Variants in PTGFRN observed in about 807,000 individuals in gnomAD.
PTGFRN encodes the protein prostaglandin F2 receptor negative regulator.
Under a neutral mutation model 83.2 loss-of-function variants are expected in PTGFRN, and 35 were observed. That is an observed-to-expected ratio of 0.42 (90% CI 0.32 to 0.56). The LOEUF is 0.56. Ranked by LOEUF, PTGFRN falls within the 20% of genes least tolerant of loss-of-function variation. The pLI is 0.11. For missense variants in PTGFRN, 1,051 were observed against 1,179.5 expected, an observed-to-expected ratio of 0.89 and a Z score of 1.60; for synonymous variants, 519 against 498.6, an observed-to-expected ratio of 1.04 and a Z score of -0.55.
In PTGFRN at chr1:116,944,750, C is replaced by T. The variant is rs776777032; in HGVS notation, c.490C>T (p.Pro164Ser). The change falls in exon 3 of 9, where the codon CCC (proline) becomes TCC (serine). Residue 164 changes from proline to serine, a missense_variant. By Grantham distance (74) the Pro-to-Ser change is moderately conservative (BLOSUM62 -1). Around this residue, in one of 3 missense-constraint regions of PTGFRN, gnomAD observed 205 missense variants for 174.5 expected, o/e 1.17. Transcript: ENST00000393203. ...PPSLSLREGE[P>S]FELRCTAASA... ...GAGCCTGAGCCTGCGGGAGGGGGAG[C>T]CCTTCGAGCTGCGCTGCACCGCCGC... The T allele has an allele frequency of 2.7e-6, 4 of 1,492,232 alleles. No individual in the cohort carries two copies. The African/African-American group carries it at 5.8e-5, about 22-fold the overall frequency. 92.4% of individuals were successfully genotyped at this position (1,492,232 alleles called of 1,614,324 possible). A position where few individuals can be genotyped will look rare whatever the true frequency, so the allele number is the denominator to read the frequency against.
At chr1:116,927,553 GT>G (rs1301841883) in intron 1 of PTGFRN, among the ~76,000 whole-genome samples, 1 of 115,954 alleles carries the variant, frequency 8.6e-6, no homozygotes, top group African/African-American at 9.2e-5. Context: ...TTGATACAGG[GT>G]CTCGACCTGT....
intron 4 of PTGFRN, among the ~76,000 whole-genome samples, chr1:116,960,564 A>G (rs1352363282): frequency 6.6e-6 from 1 of 152,220 alleles, no homozygotes; most frequent in Non-Finnish European, 1.5e-5. Flanking sequence ...CAAGATTCAC[A>G]GTGACACAGG....
At chr1:116,938,393 C>G (rs1007395532) in intron 1 of PTGFRN, among the ~76,000 whole-genome samples, 1 of 152,174 alleles carries the variant, frequency 6.6e-6, no homozygotes, top group Non-Finnish European at 1.5e-5. Context: ...GCCTCACAAT[C>G]GTGGCGGAAG....
chr1:116,948,774 G>T (rs1206172850), intron 3 of PTGFRN, among the ~76,000 whole-genome samples: 1 of 152,310 alleles, frequency 6.6e-6, no homozygotes, highest in Non-Finnish European at 1.5e-5. Flanking sequence ...ACAGTGAAGA[G>T]CAGAGTTTCT....
intron 1 of PTGFRN, among the ~76,000 whole-genome samples, chr1:116,931,215 G>C (rs1003633965): frequency 6.6e-6 from 1 of 152,158 alleles, no homozygotes; most frequent in Admixed American, 6.5e-5. Context: ...TCCTTAACTG[G>C]TAGGAATGCA....
At chr1:116,959,049 C>T (rs564491564) in intron 4 of PTGFRN, among the ~76,000 whole-genome samples, 1 of 152,346 alleles carries the variant, frequency 6.6e-6, no homozygotes, top group African/African-American at 2.4e-5. Context: ...TCCTGCTCTG[C>T]ACCCACATTG....
chr1:116,916,315 A>G (rs2101050036), intron 1 of PTGFRN, among the ~76,000 whole-genome samples: 1 of 152,354 alleles, frequency 6.6e-6, no homozygotes, highest in South Asian at 2.1e-4. Context: ...GGCTTAGAAT[A>G]GCGAAGAGTG....
At chr1:116,940,889 A>C (rs1650042308) in intron 1 of PTGFRN, among the ~76,000 whole-genome samples, 1 of 152,248 alleles carries the variant, frequency 6.6e-6, no homozygotes, top group Non-Finnish European at 1.5e-5. Context: ...GTTCATTGCA[A>C]TGAAGACATC....
At position 116,910,068 on chromosome 1, in the gene PTGFRN, TCG is replaced by T; in HGVS notation, c.-133_-132del. 1 of 969,700 alleles carries T rather than the reference TCG, an allele frequency of 1.0e-6. No individual in the cohort carries two copies. Among genetic ancestry groups the T allele is most frequent in the Non-Finnish European group, 1.6e-6 (1 of 641,534 alleles). The allele number at this position is 969,700 out of a possible 1,614,324, so 60.1% of individuals were successfully genotyped here. A position where few individuals can be genotyped will look rare whatever the true frequency, so the allele number is the denominator to read the frequency against. ...CGCCCCAGCGCTGGGATTTATCGGC[TCG>T]CGAGGAGAGCGGAGCAGGCGCGCGG... is the stretch of plus-strand genomic sequence containing the variant. On this transcript the variant is annotated 5_prime_UTR_variant, in exon 1 of 9. Coordinates refer to ENST00000393203, the MANE Select transcript of PTGFRN (RefSeq NM_020440.4).
chr1:116,972,357 A>T (rs935863898), intron 6 of PTGFRN, among the ~76,000 whole-genome samples: 2 of 152,158 alleles, frequency 1.3e-5, no homozygotes, highest in African/African-American at 4.8e-5. Flanking sequence ...AGCAGTTTCT[A>T]CCCAGAGCTG....
intron 1 of PTGFRN, among the ~76,000 whole-genome samples, chr1:116,919,081 A>C (rs148751022): frequency 2.0e-4 from 31 of 152,312 alleles, no homozygotes; most frequent in African/African-American, 6.5e-4. Flanking sequence ...TTGGCAGCAG[A>C]GATCTAAGGG....
In PTGFRN at chr1:116,941,723, C is replaced by G. The variant is rs778137106; in HGVS notation, c.58C>G (p.Arg20Gly). The G allele has an allele frequency of 3.7e-6, 6 of 1,609,798 alleles. No homozygotes were observed. In the South Asian group the frequency reaches 4.4e-5, roughly 12 times the overall value. ...LLALLSLALC[R>G]GRVVRVPTAT... ...ATCTTTTATCATTGCAGCTCTTTGC[C>G]GAGGGCGTGTGGTGAGAGTCCCCAC... is the stretch of plus-strand genomic sequence containing the variant. Residue 20 changes from arginine to glycine, a missense_variant, in exon 2 of 9, where the codon CGA becomes GGA. By Grantham distance (125) the Arg-to-Gly change is moderately radical (BLOSUM62 -2). Coordinates refer to ENST00000393203, the MANE Select transcript of PTGFRN (RefSeq NM_020440.4). This position sits in a 1 kb window ranked among gnomAD's most constrained non-coding sequence, Gnocchi z 5.0.
chr1:116,957,907 C>T (rs1030974407), intron 4 of PTGFRN, among the ~76,000 whole-genome samples: 4 of 152,014 alleles, frequency 2.6e-5, no homozygotes, highest in African/African-American at 7.2e-5. Flanking sequence ...TAACACTGTC[C>T]TCCAGGTTCA....
At chr1:116,924,352 G>A (rs972625732) in intron 1 of PTGFRN, among the ~76,000 whole-genome samples, 1 of 151,920 alleles carries the variant, frequency 6.6e-6, no homozygotes, top group African/African-American at 2.4e-5. Context: ...TCAGCATCTT[G>A]GCCAGGCTGG....
rs576756226 is a variant in PTGFRN at position 116,966,933 on chromosome 1, G to A, written c.1662G>A (p.Ala554=). Residue 554 remains alanine (A), a synonymous_variant, in exon 6 of 9, where the codon GCG becomes GCA. Coordinates refer to ENST00000393203, the MANE Select transcript of PTGFRN (RefSeq NM_020440.4). ...ALEDSVLVVK[A]RQPKPFFAAG... ...CAGATTCCGTGCTTGTGGTGAAGGCGAGGCAGCCAAAGCCTTTCTTTGCTG... is the reference window on the plus strand; with the variant it reads ...CAGATTCCGTGCTTGTGGTGAAGGCAAGGCAGCCAAAGCCTTTCTTTGCTG... 2 of 1,604,016 alleles carry A rather than the reference G, an allele frequency of 1.2e-6. No individual in the cohort carries two copies. The highest frequency in any genetic ancestry group is 1.7e-5 in the Admixed American group (1 of 59,832).
chr1:116,982,418 T>TGTG (rs1651345052), intron 7 of PTGFRN, among the ~76,000 whole-genome samples: 1 of 152,168 alleles, frequency 6.6e-6, no homozygotes, highest in Admixed American at 6.5e-5. Flanking sequence ...TCACACATGC[T>TGTG]GTGGGCTGTG....
chr1:116,913,058 T>G (rs2101048425), intron 1 of PTGFRN, among the ~76,000 whole-genome samples: 1 of 152,296 alleles, frequency 6.6e-6, no homozygotes, highest in East Asian at 1.9e-4. Flanking sequence ...CAACTGTGTG[T>G]TCAATACTGG....
chr1:116,913,431 A>G (rs1260154937), intron 1 of PTGFRN, among the ~76,000 whole-genome samples: 2 of 140,280 alleles, frequency 1.4e-5, no homozygotes, highest in African/African-American at 2.7e-5. Flanking sequence ...TGGGGGTGCA[A>G]TTATTTGGGG....
intron 4 of PTGFRN, among the ~76,000 whole-genome samples, chr1:116,956,476 A>T (rs1022016768): frequency 1.3e-5 from 2 of 152,194 alleles, no homozygotes; most frequent in Non-Finnish European, 2.9e-5. Context: ...TGGAGAATGG[A>T]GTAGAATGAA....
Sources: allele counts gnomAD v4.1 joint callset (sites outside exome capture counted in the v4.1 genomes callset), GRCh38; gene constraint gnomAD v4.1.1; regional missense constraint gnomAD v4.1.1; non-coding constraint Gnocchi (gnomAD v3.1); transcripts MANE v1.5; gene names NCBI Gene and HGNC (gene_info 2026-07-23, HGNC 2026-07-21).